Variants in CNTN4 observed in about 807,000 individuals in gnomAD.
The protein encoded by CNTN4 is contactin-4.
A neutral mutation model predicts 122.5 loss-of-function variants in CNTN4; 77 were observed. That is an observed-to-expected ratio of 0.63 (90% confidence interval 0.52 to 0.76). CNTN4 has a LOEUF of 0.76. CNTN4 is among the 30% of genes least tolerant of loss of function. The pLI, the probability that CNTN4 is intolerant of heterozygous loss-of-function variation, is 0.00. For synonymous variants in CNTN4, 512 were observed against 447.0 expected (o/e 1.15, Z -1.83); for missense variants, 1,256 against 1,259.1 (o/e 1.00, Z 0.04).
At chr3:2,806,425 G>A (rs1013340583) in intron 6 of CNTN4, among the ~76,000 whole-genome samples, 1 of 152,144 alleles carries the variant, frequency 6.6e-6, no homozygotes, top group South Asian at 2.1e-4. Flanking sequence ...GGGCTGTCAG[G>A]CCGCACAAAG....
At chr3:2,932,423 A>G (rs575869587) in intron 13 of CNTN4, among the ~76,000 whole-genome samples, 2 of 152,238 alleles carry the variant, frequency 1.3e-5, no homozygotes, top group South Asian at 4.2e-4. Context: ...TGAGATTCTT[A>G]TAGTTCTGGA....
At chr3:2,530,220 G>A (rs1003758982) in intron 3 of CNTN4, among the ~76,000 whole-genome samples, 1 of 151,498 alleles carries the variant, frequency 6.6e-6, no homozygotes, top group Non-Finnish European at 1.5e-5. Context: ...ATAAAATCCA[G>A]CTCTGTCACT....
At chr3:2,410,931 T>A (rs943944356) in intron 3 of CNTN4, among the ~76,000 whole-genome samples, 2 of 152,228 alleles carry the variant, frequency 1.3e-5, no homozygotes, top group Admixed American at 1.3e-4. Flanking sequence ...TATTCCTTAG[T>A]GTCTTTGTTA....
intron 17 of CNTN4, among the ~76,000 whole-genome samples, chr3:3,036,825 C>T (rs1249656933): frequency 1.3e-5 from 2 of 151,712 alleles, no homozygotes; most frequent in South Asian, 2.1e-4. Context: ...AATACTTTTA[C>T]CTTTCTCAGA....
At chr3:2,827,372 A>G (rs1268072914) in intron 7 of CNTN4, among the ~76,000 whole-genome samples, 1 of 152,232 alleles carries the variant, frequency 6.6e-6, no homozygotes, top group African/African-American at 2.4e-5. Context: ...CAAATGTGGC[A>G]GCAATTTGCA....
At chr3:2,289,580 G>A (rs1040718191) in intron 2 of CNTN4, among the ~76,000 whole-genome samples, 1 of 152,164 alleles carries the variant, frequency 6.6e-6, no homozygotes, top group Admixed American at 6.5e-5. Context: ...ACAGTTCAGG[G>A]GAGGAAGATT....
At chr3:2,471,137 G>T (rs928002800) in intron 3 of CNTN4, among the ~76,000 whole-genome samples, 1 of 152,210 alleles carries the variant, frequency 6.6e-6, no homozygotes, top group Non-Finnish European at 1.5e-5. Flanking sequence ...CAGCACATTT[G>T]ATTTGGAAGA....
At chr3:2,193,725 TG>T (rs1444199470) in intron 2 of CNTN4, among the ~76,000 whole-genome samples, 4 of 152,210 alleles carry the variant, frequency 2.6e-5, no homozygotes, top group Non-Finnish European at 5.9e-5. Context: ...GCATCACATA[TG>T]CATGACTATG....
intron 3 of CNTN4, among the ~76,000 whole-genome samples, chr3:2,558,035 T>C (rs2078794008): frequency 6.6e-6 from 1 of 152,202 alleles, no homozygotes. Flanking sequence ...TCAAGGAGGA[T>C]AGCTCCACTG....
At chr3:2,099,904 A>C (rs2125071977) in intron 1 of CNTN4, 1 of 152,328 alleles carries the variant, frequency 6.6e-6, no homozygotes, top group African/African-American at 2.4e-5. Context: ...CTATTTATGA[A>C]GGGTGTGGAG....
At chr3:2,577,107 C>T (rs1359779510) in intron 4 of CNTN4, among the ~76,000 whole-genome samples, 1 of 152,184 alleles carries the variant, frequency 6.6e-6, no homozygotes, top group Non-Finnish European at 1.5e-5. Flanking sequence ...GTCTCAGTTT[C>T]CCACAATAAC....
intron 4 of CNTN4, among the ~76,000 whole-genome samples, chr3:2,583,108 T>G (rs1276102690): frequency 6.6e-6 from 1 of 152,070 alleles, no homozygotes; most frequent in Non-Finnish European, 1.5e-5. Context: ...CTAACAAAAC[T>G]AGAAATGCAT....
rs184737455 is a variant in CNTN4, at chr3:2,743,284, G to T, written c.183-2238G>T. 1.2e-4 allele frequency among the ~76,000 whole-genome samples: 19 copies of T among 152,164 alleles called. 1 individual carries two copies. The highest frequency in any genetic ancestry group is 4.6e-4 in the African/African-American group (19 of 41,562). On this transcript the variant is annotated intron_variant, in intron 5 of 24. Coordinates refer to ENST00000418658, the MANE Select transcript of CNTN4 (RefSeq NM_175607.3). ...AGCTGACTCAAAAAAAAAATGTCTA[G>T]GGCAGACAGTCAGTTCTAGAGATTC...
intron 6 of CNTN4, among the ~76,000 whole-genome samples, chr3:2,791,003 AAGAGT>A (rs79347969): frequency 0.082 from 12,547 of 152,112 alleles, 616 homozygotes; most frequent in African/African-American, 0.13. Flanking sequence ...TCTGTGTCAC[AAGAGT>A]AATTACAGTG....
At chr3:2,994,619 GTATA>G (rs1204164224) in intron 14 of CNTN4, among the ~76,000 whole-genome samples, 2 of 136,814 alleles carry the variant, frequency 1.5e-5, no homozygotes, top group Non-Finnish European at 3.2e-5. Context: ...ATATATGTGT[GTATA>G]TATATATTTG....
intron 6 of CNTN4, among the ~76,000 whole-genome samples, chr3:2,790,593 G>A (rs981962396): frequency 6.6e-6 from 1 of 152,088 alleles, no homozygotes; most frequent in Non-Finnish European, 1.5e-5. Flanking sequence ...AACATGCCAG[G>A]CAAATCAGCC....
At chr3:2,106,124 C>A (rs191697720) in intron 2 of CNTN4, among the ~76,000 whole-genome samples, 1 of 152,214 alleles carries the variant, frequency 6.6e-6, no homozygotes, top group East Asian at 1.9e-4. Flanking sequence ...CAGTTCTGCC[C>A]CTCTGGCTTT....
At chr3:2,629,621 G>A in intron 4 of CNTN4, 1 of 430,360 alleles carries the variant, frequency 2.3e-6, no homozygotes, top group East Asian at 7.1e-5. Context: ...CTAAGTTACA[G>A]CACCAGCTTT....
intron 13 of CNTN4, among the ~76,000 whole-genome samples, chr3:2,947,357 T>C (rs1429919608): frequency 2.6e-5 from 4 of 152,344 alleles, no homozygotes; most frequent in East Asian, 3.9e-4. Context: ...GCTTCATTCA[T>C]TTTTATGACC....
Sources: gnomAD v4.1 joint callset for allele counts (sites outside exome capture counted in the v4.1 genomes callset) on GRCh38, gnomAD v4.1.1 for gene constraint, MANE v1.5 for transcripts, NCBI Gene and HGNC (gene_info 2026-07-23, HGNC 2026-07-21) for gene names.